Variants in GRIN2A observed in about 807,000 individuals in gnomAD.
GRIN2A encodes the protein glutamate receptor ionotropic, NMDA 2A.
In GRIN2A, 22 loss-of-function variants were observed where a neutral mutation model predicts 113.4. The observed-to-expected ratio is 0.19, with a 90% CI of 0.14 to 0.28. The LOEUF is 0.28. GRIN2A is among the 10% of genes least tolerant of loss of function. GRIN2A has a pLI of 1.00. For missense variants in GRIN2A, 1,502 were observed against 1,887.0 expected, an observed-to-expected ratio of 0.80 and a Z score of 3.78; for synonymous variants, 827 against 738.4, an observed-to-expected ratio of 1.12 and a Z score of -1.94.
chr16:9,808,465 A>G (rs1481012529), intron 10 of GRIN2A, among the ~76,000 whole-genome samples: 1 of 152,206 alleles, frequency 6.6e-6, no homozygotes, highest in Non-Finnish European at 1.5e-5. Context: ...AGAAAACATG[A>G]GAGTGAAAGA....
At chr16:10,098,933 TCCCCC>T (rs375862078) in intron 2 of GRIN2A, among the ~76,000 whole-genome samples, 11,838 of 106,146 alleles carry the variant, frequency 0.11, 597 homozygotes, top group Non-Finnish European at 0.15. Context: ...CTGTCCCCCC[TCCCCC>T]CCCCAAAAAA....
chr16:10,115,209 C>A (rs2048707347), intron 2 of GRIN2A, among the ~76,000 whole-genome samples: 2 of 151,498 alleles, frequency 1.3e-5, no homozygotes, highest in African/African-American at 4.8e-5. Context: ...CTTTGTTGAC[C>A]ACTCTTTTGC....
intron 2 of GRIN2A, among the ~76,000 whole-genome samples, chr16:10,002,587 C>T (rs2046339890): frequency 6.6e-6 from 1 of 152,152 alleles, no homozygotes; most frequent in African/African-American, 2.4e-5. Context: ...GAGATGCCTA[C>T]AGAAAGCACG....
rs114741884 is a variant in GRIN2A, at chr16:10,175,984, A to G, written c.414+4014T>C. 3.7e-3 allele frequency among the ~76,000 whole-genome samples: 535 copies of G among 144,238 alleles called. 5 individuals carry two copies. Among genetic ancestry groups the G allele is most frequent in the African/African-American group, 0.013 (511 of 39,238 alleles). 94.6% of individuals were successfully genotyped at this position (144,238 alleles called of 152,430 possible). A position where few individuals can be genotyped will look rare whatever the true frequency, so the allele number is the denominator to read the frequency against. On this transcript the variant is annotated intron_variant, in intron 2 of 12. Transcript: ENST00000330684. ...CGAGCATTATTTTCACCTCTTATTTATTGATTTTAATTTTCCTTCTTTTTT... is the reference window on the plus strand; with the variant it reads ...CGAGCATTATTTTCACCTCTTATTTGTTGATTTTAATTTTCCTTCTTTTTT...
intron 2 of GRIN2A, among the ~76,000 whole-genome samples, chr16:10,068,253 T>A (rs2047685748): frequency 6.6e-6 from 1 of 152,254 alleles, no homozygotes; most frequent in Non-Finnish European, 1.5e-5. Context: ...AGAGACCCTG[T>A]ACTAGTCTGT....
intron 3 of GRIN2A, among the ~76,000 whole-genome samples, chr16:9,908,801 G>C (rs2044077057): frequency 6.6e-6 from 1 of 152,194 alleles, no homozygotes; most frequent in African/African-American, 2.4e-5. Context: ...TCCAGAGCTG[G>C]GCGAGCAGCA....
chr16:9,796,447 T>G (rs1006638361), intron 11 of GRIN2A, among the ~76,000 whole-genome samples: 23 of 152,230 alleles, frequency 1.5e-4, no homozygotes, highest in Admixed American at 1.3e-4. Context: ...CAGCATACTC[T>G]CAGTGTCCAC....
At chr16:9,768,821 T>G in intron 12 of GRIN2A, 30 bp downstream of exon 12, 1 of 1,485,584 alleles carries the variant, frequency 6.7e-7, no homozygotes, top group Non-Finnish European at 9.4e-7. Flanking sequence ...CTGCTTGCAG[T>G]GCAAGAAAGT....
intron 8 of GRIN2A, among the ~76,000 whole-genome samples, chr16:9,831,167 A>T (rs2042485327): frequency 6.6e-6 from 1 of 152,178 alleles, no homozygotes. Context: ...GCCTGGAGAG[A>T]ATGGAAGGGC....
At chr16:10,038,430 C>G (rs1294555974) in intron 2 of GRIN2A, among the ~76,000 whole-genome samples, 1 of 152,118 alleles carries the variant, frequency 6.6e-6, no homozygotes. Flanking sequence ...GGCTGGATAA[C>G]TCTGCATTGG....
chr16:10,082,231 G>A (rs4780784), intron 2 of GRIN2A, among the ~76,000 whole-genome samples: 130,505 of 152,250 alleles, frequency 0.86, 56,459 homozygotes, highest in East Asian at 1. Flanking sequence ...TCCAAAAGTG[G>A]TAGTCTTAAC....
chr16:10,021,241 C>G (rs991956984), intron 2 of GRIN2A, among the ~76,000 whole-genome samples: 3 of 152,206 alleles, frequency 2.0e-5, no homozygotes, highest in African/African-American at 7.2e-5. Flanking sequence ...AATGAATGGA[C>G]TGGTCAATGA....
At chr16:10,060,401 A>C (rs2047531166) in intron 2 of GRIN2A, among the ~76,000 whole-genome samples, 1 of 152,318 alleles carries the variant, frequency 6.6e-6, no homozygotes, top group South Asian at 2.1e-4. Flanking sequence ...ATAGATAAGA[A>C]AATTAAGGCT....
At position 9,849,892 on chromosome 16, in the gene GRIN2A, C is replaced by T. The variant is rs2042852083; in HGVS notation, c.1192G>A (p.Asp398Asn). The change falls in exon 5 of 13, where the codon GAC becomes AAC. Residue 398 changes from aspartate (D) to asparagine (N), a missense_variant. This residue lies in a region of GRIN2A where 334 missense variants were observed against 403.0 expected (regional missense o/e 0.83). Coordinates refer to ENST00000330684, the MANE Select transcript of GRIN2A (RefSeq NM_001134407.3). ...AVWPRYKSFS[D>N]CEPDDNHLSI... ...AGATGGTTGTCATCCGGCTCACAGT[C>T]GGAGAAGGACTTGTACCTGGGCCAC... 3 of 1,614,036 alleles carry T rather than the reference C, an allele frequency of 1.9e-6. No individual in the cohort carries two copies. The highest frequency in any genetic ancestry group is 1.7e-6 in the Non-Finnish European group (2 of 1,179,968).
chr16:10,010,155 G>T (rs1340813894), intron 2 of GRIN2A, among the ~76,000 whole-genome samples: 2 of 152,234 alleles, frequency 1.3e-5, no homozygotes, highest in Non-Finnish European at 2.9e-5. Context: ...TCTCCTTTCT[G>T]ATAAGGGTAG....
chr16:9,909,278 C>T (rs1489664581), intron 3 of GRIN2A, among the ~76,000 whole-genome samples: 1 of 152,186 alleles, frequency 6.6e-6, no homozygotes, highest in African/African-American at 2.4e-5. Context: ...TACCTCCCAC[C>T]AGGTCCTTCC....
intron 2 of GRIN2A, among the ~76,000 whole-genome samples, chr16:9,941,115 G>A (rs2044865466): frequency 6.6e-6 from 1 of 152,164 alleles, no homozygotes; most frequent in African/African-American, 2.4e-5. Flanking sequence ...AGTACACAAG[G>A]AATACAGAAA....
intron 5 of GRIN2A, among the ~76,000 whole-genome samples, chr16:9,847,972 T>C (rs1232337605): frequency 6.8e-6 from 1 of 146,512 alleles, no homozygotes; most frequent in Non-Finnish European, 1.5e-5. Flanking sequence ...CATGAAAATA[T>C]ATGGTTTATA....
intron 2 of GRIN2A, among the ~76,000 whole-genome samples, chr16:10,073,351 C>A (rs1022144145): frequency 6.6e-6 from 1 of 152,142 alleles, no homozygotes; most frequent in Non-Finnish European, 1.5e-5. Context: ...CATTTATAGA[C>A]TGCAGTCTCT....
Sources: gnomAD v4.1 joint callset for allele counts (sites outside exome capture counted in the v4.1 genomes callset) on GRCh38, gnomAD v4.1.1 for gene constraint, gnomAD v4.1.1 regional missense constraint, MANE v1.5 for transcripts, NCBI Gene and HGNC (gene_info 2026-07-23, HGNC 2026-07-21) for gene names.